The following FLYWCH1 variants were observed in gnomAD, a reference collection of about 807,000 sequenced individuals.
FLYWCH1 encodes FLYWCH-type zinc finger-containing protein 1.
FLYWCH1 carries 75 observed loss-of-function variants against 66.4 expected under a neutral mutation model. The observed-to-expected ratio is 1.13, with a 90% CI of 0.94 to 1.37. The LOEUF (loss-of-function observed/expected upper bound fraction) is 1.37. FLYWCH1 is among the 40% of genes most tolerant of loss of function. FLYWCH1 has a pLI of 0.00. For missense variants in FLYWCH1, 1,334 were observed against 1,001.8 expected (o/e 1.33, Z -4.48); for synonymous variants, 595 against 429.9 (o/e 1.38, Z -4.75).
chr16:2,933,280 C>T lies in FLYWCH1; in HGVS notation c.947C>T (p.Ala316Val). 2 of 1,612,674 alleles carry T rather than the reference C, an allele frequency of 1.2e-6. No individual in the cohort carries two copies. The highest frequency in any genetic ancestry group is 1.1e-5 in the South Asian group (1 of 90,962). The stretch of plus-strand genomic sequence containing the variant: ...GCGCTGCACGGCTGCCGGAGCCGGG[C>T]CATCACCCAGGGACAGCGGGTGACT... ...DHALHGCRSR[A>V]ITQGQRVTVM... The change falls in exon 5 of 10, where the codon GCC becomes GTC. Residue 316 changes from alanine to valine, a missense_variant. Coordinates refer to ENST00000253928, the MANE Select transcript of FLYWCH1 (RefSeq NM_001308068.2).
Position 2,938,607 on chromosome 16 carries a change from G to T in FLYWCH1, c.2050+151G>T, listed in dbSNP as rs373317884. On this transcript the variant is annotated intron_variant, in intron 8 of 9. Coordinates refer to ENST00000253928, the MANE Select transcript of FLYWCH1 (RefSeq NM_001308068.2). ...TAAACAGAATGTGAAACCAGTCTTT[G>T]TTTTTTTTTTTTTTTTTTTTTTTGA... Among the ~76,000 whole-genome samples the T allele has an allele frequency of 1.1e-3, 141 of 129,136 alleles. 1 individual carries two copies. Among genetic ancestry groups the T allele is most frequent in the African/African-American group, 3.3e-3 (116 of 35,242 alleles). The allele number at this position is 129,136 out of a possible 152,430, so 84.7% of individuals were successfully genotyped here. A position where few individuals can be genotyped will look rare whatever the true frequency, so the allele number is the denominator to read the frequency against.
intron 1 of FLYWCH1, among the ~76,000 whole-genome samples, chr16:2,912,508 G>T (rs1328828387): frequency 6.6e-6 from 1 of 152,212 alleles, no homozygotes; most frequent in Non-Finnish European, 1.5e-5. Flanking sequence ...GCACTTTTGC[G>T]GGTCGGGACG....
At chr16:2,944,091 G>C (rs1256592976) in intron 9 of FLYWCH1, among the ~76,000 whole-genome samples, 1 of 151,944 alleles carries the variant, frequency 6.6e-6, no homozygotes, top group Non-Finnish European at 1.5e-5. Flanking sequence ...GAGAGAACCT[G>C]TCTCAGAAAT....
chr16:2,934,754 GCTGC>G (rs2070927382), intron 6 of FLYWCH1: 1 of 438,896 alleles, frequency 2.3e-6, no homozygotes. Flanking sequence ...GAGAGACAGT[GCTGC>G]GAGGTCCCCG....
intron 9 of FLYWCH1, among the ~76,000 whole-genome samples, chr16:2,942,651 A>AGCATATGTACAGATCAGCCTTAACACG: frequency 6.6e-6 from 1 of 151,276 alleles, no homozygotes; most frequent in Non-Finnish European, 1.5e-5. Flanking sequence ...AATGTAACAC[A>AGCATATGTACAGATCAGCCTTAACACG]GCAGGCCTGA....
At chr16:2,924,092 A>T (rs562445407) in intron 2 of FLYWCH1, among the ~76,000 whole-genome samples, 1 of 152,236 alleles carries the variant, frequency 6.6e-6, no homozygotes, top group South Asian at 2.1e-4. Flanking sequence ...GTACTTTGGG[A>T]GGCCGAGGCA....
intron 4 of FLYWCH1, among the ~76,000 whole-genome samples, chr16:2,931,895 C>T (rs1423838562): frequency 2.0e-5 from 3 of 151,826 alleles, no homozygotes; most frequent in African/African-American, 4.8e-5. Flanking sequence ...GGGCGGATCA[C>T]GAGGTCAGGA....
Position 2,937,398 on chromosome 16 carries a change from G to C in FLYWCH1, c.1777+14G>C, listed in dbSNP as rs781365604. 6.6e-7 allele frequency: 1 copy of C among 1,521,834 alleles called. No homozygotes were observed. Among genetic ancestry groups the C allele is most frequent in the Non-Finnish European group, 8.8e-7 (1 of 1,138,676 alleles). The allele number at this position is 1,521,834 out of a possible 1,614,324, so 94.3% of individuals were successfully genotyped here. On this transcript the variant is annotated intron_variant, in intron 7 of 9. Transcript: ENST00000253928. ...GGGACAGCCCAGGTGCGTGTGGAGG[G>C]TGCTGGGCTGGGTCTGCCTGGTCTC...
At chr16:2,947,852 G>A (rs11863711) in intron 9 of FLYWCH1, among the ~76,000 whole-genome samples, 1 of 150,700 alleles carries the variant, frequency 6.6e-6, no homozygotes, top group Non-Finnish European at 1.5e-5. Flanking sequence ...GAGCAACACA[G>A]GGAGAACCCC....
At position 2,948,671 on chromosome 16, in the gene FLYWCH1, T is replaced by G; in HGVS notation, c.2112-17T>G. 1 of 1,612,980 alleles carries G rather than the reference T, an allele frequency of 6.2e-7. No homozygotes were observed. Among genetic ancestry groups the G allele is most frequent in the Non-Finnish European group, 8.5e-7 (1 of 1,179,008 alleles). On this transcript the variant is annotated splice_polypyrimidine_tract_variant and intron_variant, in intron 9 of 9. Transcript: ENST00000253928. ...TGTTTTGATGTGTGCAATGAACATG[T>G]GTCTCTTTGTAATTAGGGACATCAA...
intron 1 of FLYWCH1, among the ~76,000 whole-genome samples, chr16:2,913,937 T>A (rs960940080): frequency 6.6e-6 from 1 of 152,142 alleles, no homozygotes; most frequent in Non-Finnish European, 1.5e-5. Flanking sequence ...CTCGAACTCC[T>A]GGGCTCAAAC....
At chr16:2,924,855 C>G (rs1269747869) in intron 2 of FLYWCH1, among the ~76,000 whole-genome samples, 2 of 152,196 alleles carry the variant, frequency 1.3e-5, no homozygotes, top group Non-Finnish European at 2.9e-5. Flanking sequence ...GGAACTTTTT[C>G]CAGATCTGTT....
At chr16:2,938,046 G>A (rs2071091165) in intron 7 of FLYWCH1, 138 bp from the exon 8 acceptor site, 1 of 814,616 alleles carries the variant, frequency 1.2e-6, no homozygotes, top group Non-Finnish European at 1.9e-6. Context: ...CCAGAGGGGA[G>A]GAGGGCAGGG....
intron 2 of FLYWCH1, among the ~76,000 whole-genome samples, chr16:2,923,835 C>T (rs903241345): frequency 2.6e-5 from 4 of 151,940 alleles, no homozygotes; most frequent in Non-Finnish European, 4.4e-5. Context: ...GTCACGAGTT[C>T]GAGACCAGCC....
chr16:2,946,629 T>C (rs1208464806), intron 9 of FLYWCH1, among the ~76,000 whole-genome samples: 4 of 151,934 alleles, frequency 2.6e-5, no homozygotes, highest in African/African-American at 9.7e-5. Flanking sequence ...GGCCCAGAAT[T>C]CTTACAACAA....
rs770022454 is a variant in FLYWCH1 at position 2,930,709 on chromosome 16, G to C, written c.625G>C (p.Gly209Arg). The C allele has an allele frequency of 1.6e-5, 25 of 1,545,398 alleles. No individual in the cohort carries two copies. The highest frequency in any genetic ancestry group is 8.7e-7 in the Non-Finnish European group (1 of 1,148,716). Residue 209 changes from glycine to arginine, a missense_variant, in exon 4 of 10, where the codon GGA (glycine) becomes CGA (arginine). Transcript: ENST00000253928. The part of the protein sequence containing the change: ...LGEPQGPEGP[G>R]GRVEEPLEGV... ...AGAGCCCCAGGGTCCTGAGGGCCCTGGAGGCCGAGTGGAGGAGCCCCTGGA... is the reference window on the plus strand; with the variant it reads ...AGAGCCCCAGGGTCCTGAGGGCCCTCGAGGCCGAGTGGAGGAGCCCCTGGA...
Position 2,929,828 on chromosome 16 carries a change from C to T in FLYWCH1, c.143C>T (p.Ser48Phe), listed in dbSNP as rs748975053. ...EFSKLVLLTASDQDEDGVGSK... is the reference protein window; with the variant it reads ...EFSKLVLLTAFDQDEDGVGSK... ...TCCAAACTGGTGCTGCTCACAGCCT[C>T]CGACCAAGATGAGGATGGGGTGGGA... The change falls in exon 3 of 10, where the codon TCC becomes TTC. Residue 48 changes from serine to phenylalanine, a missense_variant. Physicochemically the swap from Ser to Phe is radical, Grantham distance 155. Coordinates refer to ENST00000253928, the MANE Select transcript of FLYWCH1 (RefSeq NM_001308068.2). 1.2e-6 allele frequency: 2 copies of T among 1,613,958 alleles called. No homozygotes were observed. The highest frequency in any genetic ancestry group is 3.3e-5 in the Admixed American group (2 of 60,022).
rs2070739409 is a variant in FLYWCH1 at position 2,930,872 on chromosome 16, TG to T, written c.792del (p.Leu265TrpfsTer10). ...LSLPPKKRSILGLGQARPLEF... is the reference protein window; with the variant it reads ...LSLPPKKRSIXGLGQARPLEF... ...CTGCCGCCCAAGAAGCGCTCGATCC[TG>T]GGGCTGGGTGAGTACAATCCACTCC... is the stretch of plus-strand genomic sequence containing the variant. On this transcript the variant is annotated frameshift_variant, in exon 4 of 10. Transcript: ENST00000253928. LOFTEE classifies it high-confidence loss of function. The T allele has an allele frequency of 6.3e-7, 1 of 1,589,058 alleles. No homozygotes were observed. The highest frequency in any genetic ancestry group is 1.3e-5 in the African/African-American group (1 of 74,520).
In FLYWCH1 at chr16:2,929,802, C is replaced by G. The variant is rs750875928; in HGVS notation, c.117C>G (p.Phe39Leu). The change falls in exon 3 of 10, where the codon TTC (phenylalanine) becomes TTG (leucine). Residue 39 changes from phenylalanine to leucine, a missense_variant. Transcript: ENST00000253928. ...IPAAPRKPRE[F>L]SKLVLLTASD... is the part of the protein sequence containing the mutation. ...CAGCCCCCAGGAAGCCCAGGGAGTT[C>G]TCCAAACTGGTGCTGCTCACAGCCT... 2.5e-6 allele frequency: 4 copies of G among 1,613,972 alleles called. No homozygotes were observed. In the East Asian group the frequency reaches 8.9e-5, roughly 36 times the overall value.
Sources: gnomAD v4.1 joint callset for allele counts (sites outside exome capture counted in the v4.1 genomes callset) on GRCh38, gnomAD v4.1.1 for gene constraint, MANE v1.5 for transcripts, NCBI Gene and HGNC (gene_info 2026-07-23, HGNC 2026-07-21) for gene names.